RGS4: variants seen among roughly 807,000 people sequenced by gnomAD.
The protein encoded by RGS4 is schizophrenia disorder 9.
In RGS4, 15 loss-of-function variants were observed where a neutral mutation model predicts 21.6. That is an observed-to-expected ratio of 0.69 (90% confidence interval 0.46 to 1.07). RGS4 has a LOEUF of 1.07. RGS4 is among the 50% of genes least tolerant of loss of function. The pLI is 0.00. For missense variants in RGS4, 237 were observed against 239.0 expected (o/e 0.99, Z 0.06); for synonymous variants, 94 against 85.5 (o/e 1.10, Z -0.55).
At position 163,069,404 on chromosome 1, in the gene RGS4, G is replaced by C. The variant is rs1336222027; in HGVS notation, c.-81G>C. 2.5e-6 allele frequency: 4 copies of C among 1,603,270 alleles called. No individual in the cohort carries two copies. In the South Asian group the frequency reaches 3.3e-5, roughly 13 times the overall value. On this transcript the variant is annotated 5_prime_UTR_variant, in exon 1 of 5. Transcript: ENST00000367909. ...TGACAATATCTTTACCGGAGAAGAG[G>C]CAAAGTACGCTCAAAGCCGAAGCCA... is the stretch of plus-strand genomic sequence containing the variant.
Position 163,074,882 on chromosome 1 carries a change from C to T in RGS4, c.*322C>T. 1 of 594,528 alleles carries T rather than the reference C, an allele frequency of 1.7e-6. No homozygotes were observed. The allele number at this position is 594,528 out of a possible 1,614,324, so 36.8% of individuals were successfully genotyped here. A position where few individuals can be genotyped will look rare whatever the true frequency, so the allele number is the denominator to read the frequency against. ...AGTTTCCTCCTCCCAACAGTTTTACCTCGGGATGGTTGGTTAGTGCATGTC... is the reference window on the plus strand; with the variant it reads ...AGTTTCCTCCTCCCAACAGTTTTACTTCGGGATGGTTGGTTAGTGCATGTC... On this transcript the variant is annotated 3_prime_UTR_variant, in exon 5 of 5. Coordinates refer to ENST00000367909, the MANE Select transcript of RGS4 (RefSeq NM_005613.6).
chr1:163,070,247 T>C (rs1002447090), intron 1 of RGS4, among the ~76,000 whole-genome samples: 1 of 152,174 alleles, frequency 6.6e-6, no homozygotes, highest in Non-Finnish European at 1.5e-5. Flanking sequence ...GACATACAGC[T>C]ATTCATTTGT....
Position 163,074,056 on chromosome 1 carries a change from C to T in RGS4, c.379-265C>T, listed in dbSNP as rs1487902004. 7 of 504,736 alleles carry T rather than the reference C, an allele frequency of 1.4e-5. 1 individual carries two copies. In the South Asian group the frequency reaches 2.2e-4, roughly 16 times the overall value. 31.3% of individuals were successfully genotyped at this position (504,736 alleles called of 1,614,324 possible). On this transcript the variant is annotated intron_variant, in intron 4 of 4. Transcript: ENST00000367909. ...CTTTTATCCATGTGGCTTACCATAA[C>T]CTCCCTGCATGAATTTTTCTGATGA...
Position 163,072,656 on chromosome 1 carries a change from C to T in RGS4, c.150-149C>T, listed in dbSNP as rs572256922. On this transcript the variant is annotated intron_variant, in intron 2 of 4. Transcript: ENST00000367909. ...CATAACTACATTTGAAATTTCTATA[C>T]ATTTAGTGAAAAACTGCCCTCATCA... 1.4e-4 allele frequency: 114 copies of T among 830,996 alleles called. 2 individuals carry two copies. The South Asian group carries it at 1.9e-3, about 14-fold the overall frequency. 51.5% of individuals were successfully genotyped at this position (830,996 alleles called of 1,614,324 possible). A position where few individuals can be genotyped will look rare whatever the true frequency, so the allele number is the denominator to read the frequency against.
intron 1 of RGS4, chr1:163,071,907 T>G (rs1655328425): frequency 1.2e-6 from 1 of 868,034 alleles, no homozygotes; most frequent in Non-Finnish European, 1.3e-6. Flanking sequence ...AGACTTTTAC[T>G]TTCCCGAGGT....
intron 1 of RGS4, chr1:163,071,855 GCC>G (rs763643387): frequency 0.011 from 20 of 1,818 alleles, 4 homozygotes; most frequent in South Asian, 0.094. Flanking sequence ...GGAACTGCTT[GCC>G]CCCCCCCCCC....
rs1318556973 is a variant in RGS4 at position 163,075,889 on chromosome 1, A to G, written c.*1329A>G. ...TAGAATCTTGTTAATTTCATTCCAA[A>G]CATCGGGGCTAACAGAGACTGGAGG... On this transcript the variant is annotated 3_prime_UTR_variant, in exon 5 of 5. Coordinates refer to ENST00000367909, the MANE Select transcript of RGS4 (RefSeq NM_005613.6). 1 of 152,514 alleles carries G rather than the reference A, an allele frequency of 6.6e-6. No individual in the cohort carries two copies. The highest frequency in any genetic ancestry group is 1.5e-5 in the Non-Finnish European group (1 of 68,008). The allele number at this position is 152,514 out of a possible 1,614,324, so 9.4% of individuals were successfully genotyped here.
intron 1 of RGS4, 128 bp from the exon 2 acceptor site, chr1:163,072,267 T>G: frequency 1.1e-6 from 1 of 880,750 alleles, no homozygotes. Context: ...TCATGCCAAC[T>G]CCAACTCCCG....
At chr1:163,068,985 G>A (rs200292394), upstream of RGS4, 5 of 1,605,646 alleles carry the variant, frequency 3.1e-6, no homozygotes, top group Non-Finnish European at 4.3e-6. Context: ...TTGGGAGTCA[G>A]CTCCTAAGTA....
chr1:163,069,008 C>T (rs766198964), upstream of RGS4: 4 of 1,597,190 alleles, frequency 2.5e-6, no homozygotes, highest in Non-Finnish European at 8.5e-7. Context: ...CTCCAGAATT[C>T]CTGCTGGTAC....
At chr1:163,074,021 T>A (rs1227960435) in intron 4 of RGS4, 7 of 419,262 alleles carry the variant, frequency 1.7e-5, no homozygotes, top group Admixed American at 8.1e-5. Flanking sequence ...ATCAGTTTTT[T>A]AAAAAATCTC....
At chr1:163,074,236 C>T in intron 4 of RGS4, 85 bp from the exon 5 acceptor site, 1 of 1,553,308 alleles carries the variant, frequency 6.4e-7, no homozygotes, top group Non-Finnish European at 8.8e-7. Context: ...GGGTGCACTG[C>T]CACTTACAAG....
rs981302917 is a variant in RGS4, at chr1:163,075,193, A to G, written c.*633A>G. The G allele has an allele frequency of 3.9e-5, 6 of 155,378 alleles. No homozygotes were observed. Among genetic ancestry groups the G allele is most frequent in the African/African-American group, 7.2e-5 (3 of 41,438 alleles). 9.6% of individuals were successfully genotyped at this position (155,378 alleles called of 1,614,324 possible). A position where few individuals can be genotyped will look rare whatever the true frequency, so the allele number is the denominator to read the frequency against. On this transcript the variant is annotated 3_prime_UTR_variant, in exon 5 of 5. Transcript: ENST00000367909. Reference sequence around the variant, plus strand: ...AACTAGAGTATGTGTATGTACTTACATGGGTGTTTTGATCTCTGTTCTTTC... The same window carrying G: ...AACTAGAGTATGTGTATGTACTTACGTGGGTGTTTTGATCTCTGTTCTTTC...
chr1:163,068,880 A>G (rs1655204820), upstream of RGS4: 1 of 1,207,346 alleles, frequency 8.3e-7, no homozygotes, highest in African/African-American at 1.5e-5. Context: ...CACTGCGTGG[A>G]GACGATGATC....
Position 163,069,482 on chromosome 1 carries a change from A to G in RGS4, c.-3A>G. Reference sequence around the variant, plus strand: ...GCTTGCGAATTCCAAGCTGTTAAATAAGATGTGCAAAGGGCTTGCAGGTCT... The same window carrying G: ...GCTTGCGAATTCCAAGCTGTTAAATGAGATGTGCAAAGGGCTTGCAGGTCT... On this transcript the variant is annotated 5_prime_UTR_variant, in exon 1 of 5. The change creates a new upstream start codon in the 5' untranslated region. Transcript: ENST00000367909. 2 of 1,613,542 alleles carry G rather than the reference A, an allele frequency of 1.2e-6. No homozygotes were observed. Among genetic ancestry groups the G allele is most frequent in the Non-Finnish European group, 1.7e-6 (2 of 1,179,740 alleles).
chr1:163,073,522 T>A lies in RGS4; in HGVS notation c.278T>A (p.Ile93Asn), dbSNP rs1655392798. Reference sequence around the variant, plus strand: ...AGTGAGGAGAATATTGACTTCTGGATCAGCTGTGAAGAGTACAAGAAAATC... The same window carrying A: ...AGTGAGGAGAATATTGACTTCTGGAACAGCTGTGAAGAGTACAAGAAAATC... ...EYSEENIDFW[I>N]SCEEYKKIKS... Residue 93 changes from isoleucine to asparagine, a missense_variant, in exon 4 of 5, where the codon ATC becomes AAC. Coordinates refer to ENST00000367909, the MANE Select transcript of RGS4 (RefSeq NM_005613.6). 6.2e-7 allele frequency: 1 copy of A among 1,609,460 alleles called. No individual in the cohort carries two copies. The highest frequency in any genetic ancestry group is 8.5e-7 in the Non-Finnish European group (1 of 1,178,450).
chr1:163,071,166 T>A (rs920356176), intron 1 of RGS4, among the ~76,000 whole-genome samples: 1 of 152,088 alleles, frequency 6.6e-6, no homozygotes, highest in African/African-American at 2.4e-5. Flanking sequence ...ACATTCAGGA[T>A]TGTATCTTGT....
intron 4 of RGS4, 135 bp from the exon 5 acceptor site, chr1:163,074,186 A>C: frequency 9.7e-7 from 1 of 1,034,492 alleles, no homozygotes. Flanking sequence ...GCCAAGGAGG[A>C]CCCCAATGTC....
chr1:163,072,430 T>G lies in RGS4; in HGVS notation c.80T>G (p.Leu27Arg). 1 of 1,613,260 alleles carries G rather than the reference T, an allele frequency of 6.2e-7. No individual in the cohort carries two copies. Among genetic ancestry groups the G allele is most frequent in the South Asian group, 1.1e-5 (1 of 91,068 alleles). The part of the protein sequence containing the change: ...KDMKHRLGFL[L>R]QKSDSCEHNS... Reference sequence around the variant, plus strand: ...ATGAAACATCGGCTAGGTTTCCTGCTGCAAAAATCTGATTCCTGTGAACAC... The same window carrying G: ...ATGAAACATCGGCTAGGTTTCCTGCGGCAAAAATCTGATTCCTGTGAACAC... Residue 27 changes from leucine to arginine, a missense_variant, in exon 2 of 5, where the codon CTG becomes CGG. Coordinates refer to ENST00000367909, the MANE Select transcript of RGS4 (RefSeq NM_005613.6).
Sources: gnomAD v4.1 joint callset for allele counts (sites outside exome capture counted in the v4.1 genomes callset) on GRCh38, gnomAD v4.1.1 for gene constraint, MANE v1.5 for transcripts, NCBI Gene and HGNC (gene_info 2026-07-23, HGNC 2026-07-21) for gene names.